Variants in MACROD2 observed in about 807,000 individuals in gnomAD.
The protein encoded by MACROD2 is mono-ADP ribosylhydrolase 2, also known as ADP-ribose glycohydrolase MACROD2.
In MACROD2, 36 loss-of-function variants were observed where a neutral mutation model predicts 70.4. The ratio of observed to expected loss-of-function variants is 0.51; its 90% confidence interval spans 0.39 to 0.68. The LOEUF is 0.68. Among genes scored for constraint, MACROD2 ranks in the 30% least tolerant of loss-of-function variants. MACROD2 has a pLI of 0.00. For missense variants in MACROD2, 496 were observed against 538.4 expected (o/e 0.92, Z 0.78); for synonymous variants, 172 against 178.8 (o/e 0.96, Z 0.30).
chr20:16,028,711 A>G lies in MACROD2; in HGVS notation c.1154-12490A>G, dbSNP rs76705925. ...CATTTTCCACAAGTATGTTCCTGTC[A>G]GTGTAATCATTCACTATTTGACTTT... is the stretch of plus-strand genomic sequence containing the variant. On this transcript the variant is annotated intron_variant, in intron 15 of 17. Transcript: ENST00000684519. Among the ~76,000 whole-genome samples the G allele has an allele frequency of 9.5e-3, 1,453 of 152,260 alleles. 26 individuals are homozygous for G. The highest frequency in any genetic ancestry group is 0.034 in the African/African-American group (1,394 of 41,556).
At chr20:14,373,608 A>G (rs1309570644) in intron 3 of MACROD2, among the ~76,000 whole-genome samples, 1 of 152,202 alleles carries the variant, frequency 6.6e-6, no homozygotes, top group Non-Finnish European at 1.5e-5. Flanking sequence ...TCAGGGCTTC[A>G]GGATAAATAC....
intron 6 of MACROD2, among the ~76,000 whole-genome samples, chr20:15,302,277 G>A (rs1188225680): frequency 1.3e-5 from 2 of 152,012 alleles, no homozygotes; most frequent in Non-Finnish European, 2.9e-5. Context: ...CTCTTCTGGT[G>A]ATCAAATGCA....
intron 8 of MACROD2, among the ~76,000 whole-genome samples, chr20:15,577,613 G>GTGCGTGCGTACTCCC (rs113245529): frequency 2.6e-4 from 40 of 151,368 alleles, no homozygotes; most frequent in African/African-American, 6.3e-4. Context: ...TTTCTTCTCC[G>GTGCGTGCGTACTCCC]TGCGTGCGTA....
chr20:14,622,936 A>G (rs960857110), intron 4 of MACROD2: 4 of 152,160 alleles, frequency 2.6e-5, no homozygotes, highest in African/African-American at 4.8e-5. Flanking sequence ...CACCTACTGG[A>G]AGTGTTGTCT....
intron 5 of MACROD2, among the ~76,000 whole-genome samples, chr20:14,701,356 G>A (rs2071194262): frequency 1.3e-5 from 2 of 152,074 alleles, no homozygotes; most frequent in Admixed American, 1.3e-4. Flanking sequence ...GCTTTTGAAA[G>A]CCTTGCATGT....
chr20:15,033,173 T>G (rs2075288352), intron 5 of MACROD2, among the ~76,000 whole-genome samples: 1 of 152,196 alleles, frequency 6.6e-6, no homozygotes, highest in Non-Finnish European at 1.5e-5. Context: ...AAACCGTGGA[T>G]GTAATTAACA....
At chr20:15,117,755 C>A (rs2076001555) in intron 5 of MACROD2, among the ~76,000 whole-genome samples, 1 of 152,092 alleles carries the variant, frequency 6.6e-6, no homozygotes, top group South Asian at 2.1e-4. Flanking sequence ...TGATGGAATA[C>A]CCTGGAAAGT....
intron 7 of MACROD2, among the ~76,000 whole-genome samples, chr20:15,494,104 C>T (rs2047264596): frequency 6.6e-6 from 1 of 152,044 alleles, no homozygotes; most frequent in South Asian, 2.1e-4. Flanking sequence ...TATTGACTAG[C>T]CTAAAGCTAT....
At chr20:14,194,407 G>A (rs2081413246) in intron 3 of MACROD2, among the ~76,000 whole-genome samples, 1 of 152,146 alleles carries the variant, frequency 6.6e-6, no homozygotes, top group African/African-American at 2.4e-5. Flanking sequence ...AACTAGAAGT[G>A]AATGAGGGTA....
At chr20:14,199,150 A>G (rs1207013286) in intron 3 of MACROD2, among the ~76,000 whole-genome samples, 2 of 152,218 alleles carry the variant, frequency 1.3e-5, no homozygotes, top group African/African-American at 4.8e-5. Flanking sequence ...TCATACATAG[A>G]ATACATACAG....
In MACROD2 at chr20:14,981,023, T is replaced by A. The variant is rs899540711; in HGVS notation, c.419-248917T>A. Among the ~76,000 whole-genome samples, 6 of 129,780 alleles carry A rather than the reference T, an allele frequency of 4.6e-5. No homozygotes were observed. The Admixed American group carries it at 4.8e-4, about 10-fold the overall frequency. 85.1% of individuals were successfully genotyped at this position (129,780 alleles called of 152,430 possible). On this transcript the variant is annotated intron_variant, in intron 5 of 17. Coordinates refer to ENST00000684519, the MANE Select transcript of MACROD2 (RefSeq NM_001351661.2). ...CAGAAGGATCCTTTACAAAAAGAAGTGTGTGTGTGTGTGTGTGTGTGTGTG... is the reference window on the plus strand; with the variant it reads ...CAGAAGGATCCTTTACAAAAAGAAGAGTGTGTGTGTGTGTGTGTGTGTGTG...
At chr20:14,208,922 G>A (rs1477905092) in intron 3 of MACROD2, among the ~76,000 whole-genome samples, 1 of 152,218 alleles carries the variant, frequency 6.6e-6, no homozygotes, top group Non-Finnish European at 1.5e-5. Context: ...AGAGAGTGGG[G>A]AGGGATATGG....
At chr20:15,418,240 C>T (rs2046182069) in intron 6 of MACROD2, among the ~76,000 whole-genome samples, 1 of 152,214 alleles carries the variant, frequency 6.6e-6, no homozygotes, top group Admixed American at 6.5e-5. Flanking sequence ...TTTCTTCCTA[C>T]TTGTTAAGCT....
chr20:14,377,760 A>G (rs2083385698), intron 3 of MACROD2, among the ~76,000 whole-genome samples: 1 of 152,190 alleles, frequency 6.6e-6, no homozygotes, highest in African/African-American at 2.4e-5. Flanking sequence ...ATACTTACAG[A>G]CTTTTTTTGC....
intron 3 of MACROD2, among the ~76,000 whole-genome samples, chr20:14,297,435 T>C (rs1171938950): frequency 6.6e-6 from 1 of 152,014 alleles, no homozygotes; most frequent in Non-Finnish European, 1.5e-5. Flanking sequence ...TTAAATGTGC[T>C]ACTCCAGTGA....
chr20:15,679,720 G>C (rs1291811115), intron 8 of MACROD2, among the ~76,000 whole-genome samples: 1 of 152,132 alleles, frequency 6.6e-6, no homozygotes, highest in African/African-American at 2.4e-5. Flanking sequence ...ACATCACATA[G>C]AGGAGAGTCA....
At chr20:14,278,574 G>A (rs773901351) in intron 3 of MACROD2, among the ~76,000 whole-genome samples, 6 of 152,168 alleles carry the variant, frequency 3.9e-5, no homozygotes, top group Admixed American at 2.6e-4. Context: ...TTGGTTGTGC[G>A]AAAACATGTG....
At chr20:14,407,135 G>T (rs1234713665) in intron 3 of MACROD2, among the ~76,000 whole-genome samples, 1 of 151,170 alleles carries the variant, frequency 6.6e-6, no homozygotes, top group African/African-American at 2.4e-5. Flanking sequence ...AAAAAACATG[G>T]TAAGAAAGTA....
At chr20:15,271,985 A>G (rs1156404603) in intron 6 of MACROD2, among the ~76,000 whole-genome samples, 1 of 152,212 alleles carries the variant, frequency 6.6e-6, no homozygotes, top group Non-Finnish European at 1.5e-5. Flanking sequence ...ATAATAAAGC[A>G]TTGCCTAACA....
Sources: gnomAD v4.1 joint callset for allele counts (sites outside exome capture counted in the v4.1 genomes callset) on GRCh38, gnomAD v4.1.1 for gene constraint, MANE v1.5 for transcripts, NCBI Gene and HGNC (gene_info 2026-07-23, HGNC 2026-07-21) for gene names.